SH2D4A: variants seen among roughly 807,000 people sequenced by gnomAD.
SH2D4A encodes the protein SH2 domain-containing protein 4A.
SH2D4A carries 70 observed loss-of-function variants against 64.7 expected under a neutral mutation model. The ratio of observed to expected loss-of-function variants is 1.08; its 90% CI spans 0.89 to 1.32. The LOEUF is 1.32. Among genes scored for constraint, SH2D4A ranks in the 40% most tolerant of loss-of-function variants. SH2D4A has a pLI of 0.00. For missense variants in SH2D4A, 706 were observed against 540.1 expected (o/e 1.31, Z -3.04); for synonymous variants, 268 against 200.7 (o/e 1.34, Z -2.83).
chr8:19,393,458 G>C lies in SH2D4A; in HGVS notation c.1189G>C (p.Asp397His), dbSNP rs766159455. ...SEDGCKHFLI[D>H]ASADAYSFLG... ...GGACGGCTGTAAACATTTCCTCATC[G>C]ATGCCTCTGCAGACGCCTACAGCTT... The change falls in exon 9 of 10, where the codon GAT becomes CAT. Residue 397 changes from aspartate to histidine, a missense_variant. Physicochemically the swap from Asp to His is moderately conservative, Grantham distance 81 (BLOSUM62 -1). Coordinates refer to ENST00000265807, the MANE Select transcript of SH2D4A (RefSeq NM_022071.4). 25 of 1,614,084 alleles carry C rather than the reference G, an allele frequency of 1.5e-5. No homozygotes were observed. Among genetic ancestry groups the C allele is most frequent in the East Asian group, 2.2e-5 (1 of 44,894 alleles).
chr8:19,350,570 C>T (rs2052685848), intron 4 of SH2D4A, among the ~76,000 whole-genome samples: 1 of 152,074 alleles, frequency 6.6e-6, no homozygotes, highest in Non-Finnish European at 1.5e-5. Flanking sequence ...GTAGCCCTGA[C>T]CTCCCCAGGC....
intron 2 of SH2D4A, among the ~76,000 whole-genome samples, chr8:19,330,781 C>T (rs1461745008): frequency 5.9e-5 from 9 of 151,950 alleles, no homozygotes; most frequent in African/African-American, 1.7e-4. Context: ...AAAAAAATAC[C>T]GACAGAGAAC....
At chr8:19,378,471 T>C (rs1457235488) in intron 8 of SH2D4A, among the ~76,000 whole-genome samples, 7 of 152,258 alleles carry the variant, frequency 4.6e-5, no homozygotes, top group African/African-American at 1.4e-4. Context: ...GTCTCGCTCT[T>C]GTTGCCCAGG....
At chr8:19,332,863 A>G in intron 2 of SH2D4A, 92 bp from the exon 3 acceptor site, 1 of 1,273,284 alleles carries the variant, frequency 7.9e-7, no homozygotes, top group South Asian at 1.5e-5. Flanking sequence ...ATATATTTTC[A>G]AAGACCCAAA....
intron 2 of SH2D4A, among the ~76,000 whole-genome samples, chr8:19,326,113 C>G (rs2052275052): frequency 6.6e-6 from 1 of 152,250 alleles, no homozygotes; most frequent in Non-Finnish European, 1.5e-5. Context: ...GTTTTGCCAT[C>G]ACTCATGCAG....
intron 4 of SH2D4A, among the ~76,000 whole-genome samples, chr8:19,342,441 C>T (rs1187611238): frequency 6.6e-6 from 1 of 152,214 alleles, no homozygotes; most frequent in Non-Finnish European, 1.5e-5. Flanking sequence ...AAGAGGATAG[C>T]TGGGAGCTTG....
At chr8:19,370,363 T>C (rs994671827) in intron 7 of SH2D4A, among the ~76,000 whole-genome samples, 2 of 152,084 alleles carry the variant, frequency 1.3e-5, no homozygotes, top group African/African-American at 2.4e-5. Context: ...TATTGTTGTA[T>C]TGCAGTCTTT....
rs529228086 is a variant in SH2D4A, at chr8:19,322,965, G to A, written c.181+3237G>A. On this transcript the variant is annotated intron_variant, in intron 2 of 9. Transcript: ENST00000265807. ...GCTGGGATTACACGCATGACCCACCGTGCCCGACTTGTCTACTTGTTAGTA... is the reference window on the plus strand; with the variant it reads ...GCTGGGATTACACGCATGACCCACCATGCCCGACTTGTCTACTTGTTAGTA... 1.3e-4 allele frequency among the ~76,000 whole-genome samples: 20 copies of A among 152,214 alleles called. No individual in the cohort carries two copies. The South Asian group carries it at 3.5e-3, about 27-fold the overall frequency.
At chr8:19,372,957 A>G (rs1250272559) in intron 7 of SH2D4A, among the ~76,000 whole-genome samples, 2 of 152,160 alleles carry the variant, frequency 1.3e-5, no homozygotes, top group African/African-American at 4.8e-5. Context: ...ACATTAGGAA[A>G]GAAATCTATC....
intron 4 of SH2D4A, among the ~76,000 whole-genome samples, chr8:19,355,160 TAAGA>T (rs745700881): frequency 7.2e-5 from 11 of 152,084 alleles, no homozygotes; most frequent in Admixed American, 3.3e-4. Context: ...GCGGGAGTAT[TAAGA>T]AAGAAGGGTT....
chr8:19,333,891 G>A (rs2117210175), intron 3 of SH2D4A, among the ~76,000 whole-genome samples: 2 of 152,300 alleles, frequency 1.3e-5, no homozygotes, highest in Admixed American at 1.3e-4. Context: ...CTTGACTACG[G>A]ATGGTTCTTT....
intron 8 of SH2D4A, among the ~76,000 whole-genome samples, chr8:19,389,452 C>G (rs1206623249): frequency 2.0e-5 from 3 of 152,158 alleles, no homozygotes; most frequent in East Asian, 3.9e-4. Context: ...TTCATTATCA[C>G]ACACAGAGAG....
At chr8:19,378,911 C>CAAA (rs375441883) in intron 8 of SH2D4A, among the ~76,000 whole-genome samples, 131 of 103,028 alleles carry the variant, frequency 1.3e-3, no homozygotes, top group African/African-American at 2.2e-3. Context: ...CCCATCTCTC[C>CAAA]AAAAAAAAAA....
chr8:19,316,647 T>G (rs1482992696), intron 1 of SH2D4A, among the ~76,000 whole-genome samples: 4 of 152,192 alleles, frequency 2.6e-5, no homozygotes, highest in Admixed American at 2.6e-4. Flanking sequence ...GTTCAGCGTT[T>G]CTGTTGCTGC....
chr8:19,390,398 G>A (rs943058502), intron 8 of SH2D4A, among the ~76,000 whole-genome samples: 1 of 152,126 alleles, frequency 6.6e-6, no homozygotes, highest in African/African-American at 2.4e-5. Context: ...TAAGTCCTCA[G>A]TAATCAATAT....
chr8:19,394,498 G>T, intron 9 of SH2D4A, 52 bp from the exon 10 acceptor site: 2 of 1,251,022 alleles, frequency 1.6e-6, no homozygotes, highest in South Asian at 1.5e-5. Context: ...GAAGTAGGAA[G>T]AGCATGTGGT....
chr8:19,325,445 A>G (rs1337216833), intron 2 of SH2D4A, among the ~76,000 whole-genome samples: 1 of 152,194 alleles, frequency 6.6e-6, no homozygotes, highest in Non-Finnish European at 1.5e-5. Context: ...GAACTCAGAT[A>G]CAGTTCAACT....
chr8:19,364,367 C>T, intron 7 of SH2D4A, 85 bp downstream of exon 7: 3 of 1,479,332 alleles, frequency 2.0e-6, no homozygotes, highest in African/African-American at 2.8e-5. Context: ...ATTGTATGAG[C>T]TGCCATGGGG....
At chr8:19,389,763 A>G (rs1177521826) in intron 8 of SH2D4A, among the ~76,000 whole-genome samples, 1 of 152,172 alleles carries the variant, frequency 6.6e-6, no homozygotes, top group African/African-American at 2.4e-5. Context: ...AAAATTGGCC[A>G]GGCATGGTGG....
Sources: allele counts gnomAD v4.1 joint callset (sites outside exome capture counted in the v4.1 genomes callset), GRCh38; gene constraint gnomAD v4.1.1; transcripts MANE v1.5; gene names NCBI Gene and HGNC (gene_info 2026-07-23, HGNC 2026-07-21).